HDAC9: variants seen among roughly 807,000 people sequenced by gnomAD.
The protein encoded by HDAC9 is histone deacetylase 9, also known as MEF-2 interacting transcription repressor (MITR) protein.
HDAC9 carries 41 observed loss-of-function variants against 139.4 expected under a neutral mutation model. That is an observed-to-expected ratio of 0.29 (90% confidence interval 0.23 to 0.38). HDAC9 has a LOEUF of 0.38. HDAC9 is among the 10% of genes least tolerant of loss of function. The pLI is 1.00. For missense variants in HDAC9, 1,147 were observed against 1,297.0 expected, an observed-to-expected ratio of 0.88 and a Z score of 1.78; for synonymous variants, 517 against 476.2, an observed-to-expected ratio of 1.09 and a Z score of -1.12.
chr7:18,761,604 C>T (rs1046302505), intron 14 of HDAC9, among the ~76,000 whole-genome samples: 4 of 152,122 alleles, frequency 2.6e-5, no homozygotes, highest in Non-Finnish European at 5.9e-5. Flanking sequence ...CATTAATAAA[C>T]AGATATTGAC....
At chr7:18,187,668 A>G (rs1790020647) in intron 2 of HDAC9, among the ~76,000 whole-genome samples, 1 of 152,212 alleles carries the variant, frequency 6.6e-6, no homozygotes, top group African/African-American at 2.4e-5. Flanking sequence ...GAACTAGTCT[A>G]CTTTCCCTCT....
At chr7:18,770,449 T>C (rs1359328749) in intron 16 of HDAC9, among the ~76,000 whole-genome samples, 1 of 152,114 alleles carries the variant, frequency 6.6e-6, no homozygotes, top group African/African-American at 2.4e-5. Flanking sequence ...CTAAAAATAG[T>C]GATCATTTTC....
chr7:18,454,630 T>C (rs1026164299), intron 1 of HDAC9, among the ~76,000 whole-genome samples: 3 of 152,078 alleles, frequency 2.0e-5, no homozygotes, highest in African/African-American at 7.2e-5. Flanking sequence ...ATTTATTTAC[T>C]TTTCTTATTG....
intron 23 of HDAC9, among the ~76,000 whole-genome samples, chr7:18,937,436 C>T (rs1383833360): frequency 2.6e-5 from 4 of 152,192 alleles, no homozygotes; most frequent in South Asian, 2.1e-4. Flanking sequence ...CACAATTCAA[C>T]GTGTGTAAAA....
chr7:18,174,835 C>T (rs1054707571), intron 2 of HDAC9, among the ~76,000 whole-genome samples: 2 of 152,138 alleles, frequency 1.3e-5, no homozygotes, highest in Non-Finnish European at 2.9e-5. Context: ...AACTTCATCC[C>T]AGATGGGCAC....
intron 12 of HDAC9, among the ~76,000 whole-genome samples, chr7:18,705,051 A>G (rs186939838): frequency 2.7e-4 from 41 of 152,352 alleles, no homozygotes; most frequent in African/African-American, 8.4e-4. Context: ...TCAATAATAT[A>G]TGATTTTTTA....
intron 22 of HDAC9, among the ~76,000 whole-genome samples, chr7:18,915,339 A>C (rs1484751716): frequency 6.6e-6 from 1 of 152,030 alleles, no homozygotes; most frequent in East Asian, 1.9e-4. Context: ...TATGGCTTTT[A>C]TCAAAAAGAT....
At chr7:18,260,398 A>C (rs142240404) in intron 2 of HDAC9, 3,628 of 146,856 alleles carry the variant, frequency 0.025, 67 homozygotes, top group Middle Eastern at 0.042. Flanking sequence ...AGCTCACTGC[A>C]AGCTCCACCA....
At chr7:18,720,664 CTCTTT>C (rs1352198691) in intron 12 of HDAC9, among the ~76,000 whole-genome samples, 2 of 149,948 alleles carry the variant, frequency 1.3e-5, no homozygotes, top group East Asian at 1.9e-4. Flanking sequence ...TATTTTTATG[CTCTTT>C]TCTTTTTTTT....
intron 12 of HDAC9, among the ~76,000 whole-genome samples, chr7:18,671,727 T>A (rs1357213727): frequency 6.6e-6 from 1 of 151,924 alleles, no homozygotes; most frequent in African/African-American, 2.4e-5. Context: ...TCACTCCCAC[T>A]CCACGCTCGT....
At position 18,829,229 on chromosome 7, in the gene HDAC9, G is replaced by T; in HGVS notation, c.2378+13G>T. 1 of 1,604,412 alleles carries T rather than the reference G, an allele frequency of 6.2e-7. No homozygotes were observed. The highest frequency in any genetic ancestry group is 1.1e-5 in the South Asian group (1 of 90,858). On this transcript the variant is annotated intron_variant, in intron 18 of 25. Transcript: ENST00000686413. ...AATCCACAGCCATGTAAGTACCAGG[G>T]ACTGTTGCCCATCTCCAAGCACCAC...
At chr7:18,248,153 T>C (rs975892244) in intron 2 of HDAC9, among the ~76,000 whole-genome samples, 4 of 152,216 alleles carry the variant, frequency 2.6e-5, no homozygotes, top group African/African-American at 9.6e-5. Flanking sequence ...TAAAGTCGTG[T>C]CTGGGATAAT....
chr7:18,982,339 A>G (rs945085479), intron 25 of HDAC9, among the ~76,000 whole-genome samples: 36 of 152,162 alleles, frequency 2.4e-4, no homozygotes, highest in African/African-American at 6.5e-4. Flanking sequence ...AAACCCTTCA[A>G]TACTTTTCCA....
At chr7:18,278,660 G>A (rs1023077087) in intron 2 of HDAC9, among the ~76,000 whole-genome samples, 1 of 152,066 alleles carries the variant, frequency 6.6e-6, no homozygotes, top group African/African-American at 2.4e-5. Flanking sequence ...AATTCTATAT[G>A]ATGCAGTTAT....
At chr7:18,493,836 A>G (rs1174208023), upstream of HDAC9, among the ~76,000 whole-genome samples, 1 of 152,034 alleles carries the variant, frequency 6.6e-6, no homozygotes, top group East Asian at 1.9e-4. Flanking sequence ...AAACAGGTAA[A>G]AGTGGAGCTC....
intron 1 of HDAC9, among the ~76,000 whole-genome samples, chr7:18,152,838 A>G (rs1209156232): frequency 6.6e-6 from 1 of 152,218 alleles, no homozygotes; most frequent in African/African-American, 2.4e-5. Context: ...GTCAATACTA[A>G]TTATAGGGTG....
intron 1 of HDAC9, among the ~76,000 whole-genome samples, chr7:18,153,962 T>C (rs775426283): frequency 5.3e-5 from 8 of 152,166 alleles, no homozygotes; most frequent in Non-Finnish European, 1.2e-4. Context: ...TAGCAACAGG[T>C]AGAACAGTGA....
chr7:18,710,152 G>A (rs1229035747), intron 12 of HDAC9, among the ~76,000 whole-genome samples: 1 of 152,110 alleles, frequency 6.6e-6, no homozygotes, highest in Non-Finnish European at 1.5e-5. Context: ...GATCTCATGA[G>A]ACTTATTCAC....
intron 17 of HDAC9, among the ~76,000 whole-genome samples, chr7:18,804,657 A>G (rs1261990673): frequency 2.6e-5 from 4 of 152,214 alleles, no homozygotes; most frequent in Non-Finnish European, 5.9e-5. Context: ...AACTGTGGAC[A>G]ATGGATATTT....
Sources: allele counts gnomAD v4.1 joint callset (sites outside exome capture counted in the v4.1 genomes callset), GRCh38; gene constraint gnomAD v4.1.1; transcripts MANE v1.5; gene names NCBI Gene and HGNC (gene_info 2026-07-23, HGNC 2026-07-21).